Variants in HCRTR2 observed in about 807,000 individuals in gnomAD.
The protein encoded by HCRTR2 is orexin receptor type 2.
Under a neutral mutation model 49.0 loss-of-function variants are expected in HCRTR2, and 22 were observed. The ratio of observed to expected loss-of-function variants is 0.45; its 90% CI spans 0.32 to 0.64. The LOEUF is 0.64. Among genes scored for constraint, HCRTR2 ranks in the 30% least tolerant of loss-of-function variants. The probability of loss-of-function intolerance (pLI) is 0.04; values close to 1 mark genes in which losing one functional copy is unlikely to be tolerated. For synonymous variants in HCRTR2, 236 were observed against 205.3 expected, an observed-to-expected ratio of 1.15 and a Z score of -1.28; for missense variants, 491 against 559.4, an observed-to-expected ratio of 0.88 and a Z score of 1.23.
At chr6:55,263,992 T>C in intron 4 of HCRTR2, 170 bp downstream of exon 4, 6 of 620,186 alleles carry the variant, frequency 9.7e-6, no homozygotes, top group Non-Finnish European at 1.7e-5. Flanking sequence ...ATATTGTGTG[T>C]TCTTTTAAAG....
chr6:55,150,013 A>C (rs1764642688), intron 1 of HCRTR2, among the ~76,000 whole-genome samples: 1 of 152,046 alleles, frequency 6.6e-6, no homozygotes, highest in East Asian at 1.9e-4. Flanking sequence ...AGAAGCACTA[A>C]GGAACATTAC....
At chr6:55,189,658 A>T (rs1260709879) in intron 1 of HCRTR2, among the ~76,000 whole-genome samples, 1 of 152,170 alleles carries the variant, frequency 6.6e-6, no homozygotes, top group Non-Finnish European at 1.5e-5. Context: ...TGGGAGGGAG[A>T]CCATCAGGAT....
chr6:55,198,893 T>C (rs1765463207), intron 1 of HCRTR2, among the ~76,000 whole-genome samples: 1 of 152,220 alleles, frequency 6.6e-6, no homozygotes, highest in African/African-American at 2.4e-5. Context: ...GTTGGATTCA[T>C]TGTTAGGTTT....
intron 1 of HCRTR2, among the ~76,000 whole-genome samples, chr6:55,240,266 G>A (rs181693504): frequency 6.8e-6 from 1 of 146,496 alleles, no homozygotes; most frequent in Non-Finnish European, 1.5e-5. Context: ...GCTGAGGCAG[G>A]AGAATGGCGT....
chr6:55,185,868 G>A lies in HCRTR2; in HGVS notation c.223+11058G>A, dbSNP rs115227350. Among the ~76,000 whole-genome samples, 557 of 152,272 alleles carry A rather than the reference G, an allele frequency of 3.7e-3. 6 individuals carry two copies. Among genetic ancestry groups the A allele is most frequent in the African/African-American group, 0.013 (526 of 41,558 alleles). On this transcript the variant is annotated intron_variant, in intron 1 of 6. Coordinates refer to ENST00000370862, the MANE Select transcript of HCRTR2 (RefSeq NM_001384272.1). ...TTCCTTGACAATCTTTCTGTAAACA[G>A]AATACAATGTTTCCCTAAGCAATAT... is the stretch of plus-strand genomic sequence containing the variant.
chr6:55,207,822 T>C (rs1471601816), intron 1 of HCRTR2, among the ~76,000 whole-genome samples: 3 of 152,252 alleles, frequency 2.0e-5, no homozygotes, highest in Non-Finnish European at 4.4e-5. Context: ...CCTCTAAGAG[T>C]ATATTAATAT....
At chr6:55,165,571 TAAATATGATA>T (rs1481945575) in intron 1 of HCRTR2, among the ~76,000 whole-genome samples, 4 of 151,756 alleles carry the variant, frequency 2.6e-5, no homozygotes. Flanking sequence ...AATGATTTCT[TAAATATGATA>T]AAATATGGTA....
chr6:55,115,716 G>A (rs1277555562), intron 1 of HCRTR2, among the ~76,000 whole-genome samples: 2 of 151,692 alleles, frequency 1.3e-5, no homozygotes, highest in South Asian at 2.1e-4. Context: ...TCAATTTTAT[G>A]TAGATTTTAG....
At chr6:55,262,754 A>G (rs1477795400) in intron 3 of HCRTR2, among the ~76,000 whole-genome samples, 1 of 88,966 alleles carries the variant, frequency 1.1e-5, no homozygotes, top group Non-Finnish European at 2.1e-5. Context: ...ATATATATGT[A>G]TTAGGTAGGG....
At chr6:55,127,915 T>G (rs1764303931) in intron 1 of HCRTR2, among the ~76,000 whole-genome samples, 1 of 152,230 alleles carries the variant, frequency 6.6e-6, no homozygotes, top group South Asian at 2.1e-4. Flanking sequence ...GTGCAGAAGC[T>G]CTTTAGTTTA....
At chr6:55,128,750 T>A (rs1054284590) in intron 1 of HCRTR2, among the ~76,000 whole-genome samples, 1 of 152,134 alleles carries the variant, frequency 6.6e-6, no homozygotes, top group Non-Finnish European at 1.5e-5. Context: ...TTTACAGACA[T>A]TTTAGGTGTA....
At chr6:55,164,871 T>C (rs1407848269) in intron 1 of HCRTR2, among the ~76,000 whole-genome samples, 6 of 152,068 alleles carry the variant, frequency 3.9e-5, no homozygotes, top group African/African-American at 2.4e-5. Flanking sequence ...ACCTCTCAGA[T>C]GGAGAATTCA....
intron 1 of HCRTR2, among the ~76,000 whole-genome samples, chr6:55,154,513 A>G (rs1764704712): frequency 6.6e-6 from 1 of 151,770 alleles, no homozygotes. Flanking sequence ...AATGAAGGAT[A>G]AAAATCATAT....
intron 4 of HCRTR2, among the ~76,000 whole-genome samples, chr6:55,276,102 A>G (rs1299129113): frequency 1.3e-5 from 2 of 152,212 alleles, no homozygotes; most frequent in Non-Finnish European, 2.9e-5. Flanking sequence ...GAGTCACAGA[A>G]GAGAAAGTTC....
intron 1 of HCRTR2, among the ~76,000 whole-genome samples, chr6:55,204,717 G>C (rs912625789): frequency 1.3e-5 from 2 of 152,114 alleles, no homozygotes; most frequent in African/African-American, 4.8e-5. Context: ...TAAGCAAGTG[G>C]AAACTTAGAT....
intron 1 of HCRTR2, among the ~76,000 whole-genome samples, chr6:55,228,199 C>T (rs559935452): frequency 6.7e-6 from 1 of 148,856 alleles, no homozygotes; most frequent in East Asian, 2.0e-4. Flanking sequence ...AGAAGTCAAG[C>T]GGAATGGGGA....
intron 1 of HCRTR2, among the ~76,000 whole-genome samples, chr6:55,144,342 C>CA (rs1305402188): frequency 6.6e-6 from 1 of 151,952 alleles, no homozygotes; most frequent in African/African-American, 2.4e-5. Flanking sequence ...TCTTGAACTC[C>CA]AGACCTCAAG....
chr6:55,213,856 G>A (rs777758541), intron 1 of HCRTR2, among the ~76,000 whole-genome samples: 7 of 151,952 alleles, frequency 4.6e-5, no homozygotes, highest in East Asian at 1.9e-4. Context: ...CTCATTTGCC[G>A]CAGTTCCTCC....
chr6:55,234,980 T>C (rs1290542850), intron 1 of HCRTR2, among the ~76,000 whole-genome samples: 2 of 152,114 alleles, frequency 1.3e-5, no homozygotes, highest in Non-Finnish European at 2.9e-5. Context: ...AATGATAATA[T>C]AATCACACAC....
Sources: allele counts gnomAD v4.1 joint callset (sites outside exome capture counted in the v4.1 genomes callset), GRCh38; gene constraint gnomAD v4.1.1; transcripts MANE v1.5; gene names NCBI Gene and HGNC (gene_info 2026-07-23, HGNC 2026-07-21).